Variants in RAB11FIP4 observed in about 807,000 individuals in gnomAD.
RAB11FIP4 encodes RAB11 family interacting protein 4, also known as rab11 family-interacting protein 4.
In RAB11FIP4, 23 loss-of-function variants were observed where a neutral mutation model predicts 74.3. The observed-to-expected ratio is 0.31, with a 90% CI of 0.22 to 0.44. The LOEUF (loss-of-function observed/expected upper bound fraction) is 0.44, where lower values mean the gene tolerates loss of function less well. Ranked by LOEUF, RAB11FIP4 falls within the 20% of genes least tolerant of loss-of-function variation. RAB11FIP4 has a pLI of 1.00. For synonymous variants in RAB11FIP4, 360 were observed against 359.9 expected, an observed-to-expected ratio of 1.00 and a Z score of 0.00; for missense variants, 630 against 863.9, an observed-to-expected ratio of 0.73 and a Z score of 3.39.
intron 3 of RAB11FIP4, among the ~76,000 whole-genome samples, chr17:31,475,920 G>A (rs2071787492): frequency 6.6e-6 from 1 of 151,450 alleles, no homozygotes; most frequent in Non-Finnish European, 1.5e-5. Flanking sequence ...TGTTAGATAA[G>A]CTTTGCCCAG....
intron 3 of RAB11FIP4, among the ~76,000 whole-genome samples, chr17:31,436,274 T>C (rs1444467464): frequency 6.6e-6 from 1 of 152,238 alleles, no homozygotes; most frequent in African/African-American, 2.4e-5. Flanking sequence ...GACAGACCCC[T>C]AATACGTGCT....
chr17:31,487,794 A>G (rs1437610361), intron 3 of RAB11FIP4, among the ~76,000 whole-genome samples: 5 of 151,728 alleles, frequency 3.3e-5, no homozygotes, highest in East Asian at 2.0e-4. Flanking sequence ...AGTCCCAGCC[A>G]GGGCTGCCCT....
intron 3 of RAB11FIP4, among the ~76,000 whole-genome samples, chr17:31,468,784 C>T (rs550321547): frequency 1.3e-5 from 2 of 151,918 alleles, no homozygotes; most frequent in East Asian, 3.9e-4. Flanking sequence ...GAGCCAAGAT[C>T]GCACCACTGC....
At chr17:31,457,565 A>G (rs1008218540) in intron 3 of RAB11FIP4, among the ~76,000 whole-genome samples, 1 of 151,948 alleles carries the variant, frequency 6.6e-6, no homozygotes, top group Non-Finnish European at 1.5e-5. Context: ...GGGCGGGACA[A>G]GGTGGAGGGA....
intron 3 of RAB11FIP4, among the ~76,000 whole-genome samples, chr17:31,511,707 G>A (rs2072455254): frequency 6.6e-6 from 1 of 152,252 alleles, no homozygotes; most frequent in African/African-American, 2.4e-5. Flanking sequence ...TGGGGAGGGA[G>A]AGGACCAGAT....
At chr17:31,480,464 A>G (rs935388288) in intron 3 of RAB11FIP4, among the ~76,000 whole-genome samples, 7 of 152,138 alleles carry the variant, frequency 4.6e-5, no homozygotes, top group African/African-American at 1.7e-4. Flanking sequence ...CCCTTTCCTG[A>G]AGCAAAAATT....
chr17:31,493,292 A>T (rs774275304), intron 3 of RAB11FIP4, among the ~76,000 whole-genome samples: 2 of 152,210 alleles, frequency 1.3e-5, no homozygotes, highest in Non-Finnish European at 2.9e-5. Flanking sequence ...GGCTCTGCTC[A>T]TGGGAGCCTT....
intron 1 of RAB11FIP4, among the ~76,000 whole-genome samples, chr17:31,402,877 G>A (rs1469669939): frequency 1.1e-4 from 16 of 151,938 alleles, no homozygotes; most frequent in East Asian, 5.8e-4. Flanking sequence ...CACCCGCCTT[G>A]GCCTCCCAAA....
chr17:31,432,096 G>C (rs1045776504), intron 2 of RAB11FIP4, among the ~76,000 whole-genome samples, 196 bp downstream of exon 2: 1 of 152,192 alleles, frequency 6.6e-6, no homozygotes, highest in Non-Finnish European at 1.5e-5. Flanking sequence ...GTGGGGGGCT[G>C]TGGTCTCACC....
At position 31,528,778 on chromosome 17, in the gene RAB11FIP4, G is replaced by T; in HGVS notation, c.1653G>T (p.Gln551His). ...ELEHEVKRLK[Q>H]ENYKLRDQND... Reference sequence around the variant, plus strand: ...AGCACGAGGTCAAGCGGCTCAAGCAGGTGGGTCTAGCAGTCTCTGTGTCCA... The same window carrying T: ...AGCACGAGGTCAAGCGGCTCAAGCATGTGGGTCTAGCAGTCTCTGTGTCCA... The change falls in exon 13 of 15, where the codon CAG becomes CAT. Residue 551 changes from glutamine to histidine, a missense_variant and splice_region_variant. Coordinates refer to ENST00000621161, the MANE Select transcript of RAB11FIP4 (RefSeq NM_032932.6). 1 of 1,607,842 alleles carries T rather than the reference G, an allele frequency of 6.2e-7. No homozygotes were observed.
In RAB11FIP4 at chr17:31,513,451, C is replaced by T. The variant is rs369075086; in HGVS notation, c.337-4200C>T. On this transcript the variant is annotated intron_variant, in intron 3 of 14. Transcript: ENST00000621161. ...ACCTTCCAGCATCTCCCCTCCAGGC[C>T]GGCGGGAGAAGGAGCAAGGGCTTCC... Among the ~76,000 whole-genome samples the T allele has an allele frequency of 1.2e-3, 183 of 152,256 alleles. 2 individuals are homozygous for T. The South Asian group carries it at 0.036, about 30-fold the overall frequency.
At chr17:31,525,508 C>T (rs2072750169) in intron 10 of RAB11FIP4, 1 of 453,864 alleles carries the variant, frequency 2.2e-6, no homozygotes, top group Non-Finnish European at 3.9e-6. Context: ...GGCTGGGTCT[C>T]ACATCCAGGC....
intron 1 of RAB11FIP4, among the ~76,000 whole-genome samples, chr17:31,400,416 C>T (rs2070973807): frequency 6.6e-6 from 1 of 152,216 alleles, no homozygotes; most frequent in Non-Finnish European, 1.5e-5. Flanking sequence ...GTTCCTGTGG[C>T]CTTCCCTGCA....
chr17:31,487,729 C>A (rs548659334), intron 3 of RAB11FIP4, among the ~76,000 whole-genome samples: 3 of 152,090 alleles, frequency 2.0e-5, no homozygotes, highest in Non-Finnish European at 4.4e-5. Flanking sequence ...GCAGAACGGG[C>A]AAGAGACTAC....
intron 3 of RAB11FIP4, among the ~76,000 whole-genome samples, chr17:31,496,790 C>T (rs1379075613): frequency 3.3e-5 from 5 of 152,202 alleles, no homozygotes; most frequent in Non-Finnish European, 7.3e-5. Flanking sequence ...TTGCTAACTG[C>T]CATTCCTGTG....
chr17:31,517,891 A>T lies in RAB11FIP4; in HGVS notation c.563+14A>T. On this transcript the variant is annotated intron_variant, in intron 4 of 14. Transcript: ENST00000621161. The stretch of plus-strand genomic sequence containing the variant: ...GCCAGAAGACAAGTGAGTTAAAACC[A>T]CCTGAAGCTCCATATTTGCCCTCTC... The T allele has an allele frequency of 1.3e-6, 2 of 1,543,352 alleles. No individual in the cohort carries two copies. Among genetic ancestry groups the T allele is most frequent in the South Asian group, 1.2e-5 (1 of 83,834 alleles).
chr17:31,525,519 C>T, intron 10 of RAB11FIP4: 1 of 415,176 alleles, frequency 2.4e-6, no homozygotes. Context: ...ACATCCAGGC[C>T]TGGAGCGCCC....
intron 3 of RAB11FIP4, among the ~76,000 whole-genome samples, chr17:31,468,489 G>T (rs1212861799): frequency 6.6e-6 from 1 of 152,162 alleles, no homozygotes; most frequent in Admixed American, 6.5e-5. Flanking sequence ...GTGGATCTGG[G>T]TTGTGTGGGG....
At chr17:31,457,601 C>T (rs1180919438) in intron 3 of RAB11FIP4, among the ~76,000 whole-genome samples, 1 of 151,914 alleles carries the variant, frequency 6.6e-6, no homozygotes, top group Non-Finnish European at 1.5e-5. Flanking sequence ...GAGGAGTCAC[C>T]CAGCTGCCTC....
Sources: allele counts gnomAD v4.1 joint callset (sites outside exome capture counted in the v4.1 genomes callset), GRCh38; gene constraint gnomAD v4.1.1; transcripts MANE v1.5; gene names NCBI Gene and HGNC (gene_info 2026-07-23, HGNC 2026-07-21).